TRAM2: variants seen among roughly 807,000 people sequenced by gnomAD.
TRAM2 encodes the protein translocating chain-associated membrane protein 2.
A neutral mutation model predicts 51.0 loss-of-function variants in TRAM2; 12 were observed. That is an observed-to-expected ratio of 0.24 (90% confidence interval 0.15 to 0.38). TRAM2 has a LOEUF of 0.38. Among genes scored for constraint, TRAM2 ranks in the 10% least tolerant of loss-of-function variants. The probability of loss-of-function intolerance (pLI) is 1.00; values close to 1 mark genes in which losing one functional copy is unlikely to be tolerated. For synonymous variants in TRAM2, 175 were observed against 179.4 expected (o/e 0.98, Z 0.20); for missense variants, 361 against 462.0 (o/e 0.78, Z 2.00).
chr6:52,549,428 T>C (rs569161765), intron 1 of TRAM2, among the ~76,000 whole-genome samples: 4 of 152,134 alleles, frequency 2.6e-5, no homozygotes, highest in South Asian at 2.1e-4. Context: ...TCCCTCAAAG[T>C]ATAAAGGAGG....
chr6:52,522,767 A>T, intron 2 of TRAM2: 1 of 599,566 alleles, frequency 1.7e-6, no homozygotes, highest in Non-Finnish European at 3.0e-6. Flanking sequence ...AAATAATCAG[A>T]ATCTTGGCTG....
intron 1 of TRAM2, among the ~76,000 whole-genome samples, chr6:52,555,166 A>G (rs1221455627): frequency 1.3e-5 from 2 of 152,202 alleles, no homozygotes; most frequent in Non-Finnish European, 2.9e-5. Flanking sequence ...TGGTATCTGT[A>G]AGATCCAGGG....
At chr6:52,519,559 T>C (rs559478410) in intron 2 of TRAM2, among the ~76,000 whole-genome samples, 1 of 152,354 alleles carries the variant, frequency 6.6e-6, no homozygotes, top group South Asian at 2.1e-4. Context: ...TGTAAAATGG[T>C]ACAGCCACTG....
chr6:52,576,828 CCA>C lies in TRAM2; in HGVS notation c.86_87del (p.Leu29ArgfsTer26), dbSNP rs1159630873. ...IHNHADIGFC[L>X]VLCVLIGLMF... is the part of the protein sequence containing the mutation. ...ATAAGCCCGATGAGGACGCAGAGCACCAGGCAGAAGCCGATGTCCGCATGGTT... is the reference window on the plus strand; with the variant it reads ...ATAAGCCCGATGAGGACGCAGAGCACGGCAGAAGCCGATGTCCGCATGGTT... On this transcript the variant is annotated frameshift_variant, in exon 1 of 11. Transcript: ENST00000182527. LOFTEE classifies it high-confidence loss of function. 6.2e-7 allele frequency: 1 copy of C among 1,613,784 alleles called. No individual in the cohort carries two copies. The highest frequency in any genetic ancestry group is 8.5e-7 in the Non-Finnish European group (1 of 1,179,794).
intron 2 of TRAM2, among the ~76,000 whole-genome samples, chr6:52,530,220 G>C (rs1265574852): frequency 6.6e-6 from 1 of 152,168 alleles, no homozygotes; most frequent in African/African-American, 2.4e-5. Context: ...GTTAGTAAAG[G>C]AATATTTCCT....
chr6:52,506,111 G>C lies in TRAM2; in HGVS notation c.652C>G (p.Leu218Val), dbSNP rs143406018. 1.9e-3 allele frequency: 3,033 copies of C among 1,613,958 alleles called. 2 individuals are homozygous for C. The highest frequency in any genetic ancestry group is 2.4e-3 in the Non-Finnish European group (2,808 of 1,180,048). Residue 218 changes from leucine (L) to valine (V), a missense_variant, in exon 8 of 11, where the codon CTG becomes GTG. By Grantham distance (32) the Leu-to-Val change is conservative. Transcript: ENST00000182527. ...AACTCAGTTGAGTACTGCAGCAGCA[G>C]CAAGATCAGGCCCAGGCGGCTCAGG... ...LNLSRLGLIL[L>V]LLQYSTEFLF...
chr6:52,571,668 G>T (rs1035020528), intron 1 of TRAM2, among the ~76,000 whole-genome samples: 1 of 152,232 alleles, frequency 6.6e-6, no homozygotes, highest in Non-Finnish European at 1.5e-5. Flanking sequence ...CAGGCTCCCT[G>T]GGGAAAAGAA....
intron 2 of TRAM2, among the ~76,000 whole-genome samples, chr6:52,534,243 C>T (rs1357522913): frequency 6.6e-6 from 1 of 151,820 alleles, no homozygotes; most frequent in African/African-American, 2.4e-5. Context: ...TAGACTGGCA[C>T]GGTGGCGCAT....
chr6:52,576,856 G>A lies in TRAM2; in HGVS notation c.60C>T (p.His20=), dbSNP rs769470150. The A allele has an allele frequency of 6.8e-6, 11 of 1,613,952 alleles. No homozygotes were observed. The South Asian group carries it at 1.1e-4, about 16-fold the overall frequency. ...GGCAGAAGCCGATGTCCGCATGGTT[G>A]TGGATGACGAACTCCTGGCTGAAGA... ...YPLFSQEFVI[H]NHADIGFCLV... Residue 20 remains histidine (H), a synonymous_variant, in exon 1 of 11, where the codon CAC becomes CAT. Coordinates refer to ENST00000182527, the MANE Select transcript of TRAM2 (RefSeq NM_012288.4).
chr6:52,574,921 CGAGAAACTT>C (rs1212139979), intron 1 of TRAM2, among the ~76,000 whole-genome samples: 1 of 152,234 alleles, frequency 6.6e-6, no homozygotes, highest in East Asian at 1.9e-4. Context: ...ACAGGCTATG[CGAGAAACTT>C]CGTCGCTGCA....
intron 1 of TRAM2, among the ~76,000 whole-genome samples, chr6:52,550,744 G>A (rs1767293678): frequency 6.6e-6 from 1 of 152,034 alleles, no homozygotes; most frequent in Non-Finnish European, 1.5e-5. Context: ...TAGAGATGGG[G>A]TTTCATCATG....
intron 5 of TRAM2, 150 bp from the exon 6 acceptor site, chr6:52,508,468 C>A: frequency 2.8e-6 from 2 of 717,858 alleles, no homozygotes; most frequent in Non-Finnish European, 4.7e-6. Context: ...GACCGCCGCA[C>A]CCTGAGCCTG....
chr6:52,539,540 CA>C (rs3831836), intron 1 of TRAM2, among the ~76,000 whole-genome samples: 378 of 140,350 alleles, frequency 2.7e-3, no homozygotes, highest in African/African-American at 7.6e-3. Context: ...ATTTACACAA[CA>C]AAAAAAAAAA....
intron 1 of TRAM2, among the ~76,000 whole-genome samples, chr6:52,572,978 C>G (rs1767704984): frequency 6.6e-6 from 1 of 152,158 alleles, no homozygotes; most frequent in African/African-American, 2.4e-5. Flanking sequence ...GTCCCTCAAC[C>G]TTTAAGTCAT....
chr6:52,533,555 A>G (rs1007134255), intron 2 of TRAM2, among the ~76,000 whole-genome samples: 11 of 152,306 alleles, frequency 7.2e-5, no homozygotes, highest in South Asian at 4.1e-4. Context: ...TCTTTTGCCA[A>G]TGTCCCTCAG....
chr6:52,571,241 A>G (rs1356500511), intron 1 of TRAM2, among the ~76,000 whole-genome samples: 1 of 152,222 alleles, frequency 6.6e-6, no homozygotes, highest in African/African-American at 2.4e-5. Flanking sequence ...CGCTCTTATC[A>G]ACCCTCTGGC....
chr6:52,505,103 T>C (rs1024053624), intron 9 of TRAM2, among the ~76,000 whole-genome samples: 1 of 152,200 alleles, frequency 6.6e-6, no homozygotes, highest in South Asian at 2.1e-4. Context: ...CCACAAATAT[T>C]GGTAGCATTC....
intron 2 of TRAM2, among the ~76,000 whole-genome samples, chr6:52,525,347 C>T (rs1234729216): frequency 6.6e-6 from 1 of 152,246 alleles, no homozygotes. Context: ...CCTCCAAGGG[C>T]AGCATTGTCC....
At chr6:52,574,408 C>T (rs150170835) in intron 1 of TRAM2, among the ~76,000 whole-genome samples, 1 of 152,150 alleles carries the variant, frequency 6.6e-6, no homozygotes, top group African/African-American at 2.4e-5. Context: ...GACAGTGAGG[C>T]CCCCACCATG....
Sources: gnomAD v4.1 joint callset for allele counts (sites outside exome capture counted in the v4.1 genomes callset) on GRCh38, gnomAD v4.1.1 for gene constraint, MANE v1.5 for transcripts, NCBI Gene and HGNC (gene_info 2026-07-23, HGNC 2026-07-21) for gene names.